Variants in MYH16 observed in about 807,000 individuals in gnomAD.
The protein encoded by MYH16 is myosin heavy chain 16.
intron 15 of MYH16, among the ~76,000 whole-genome samples, chr7:99,264,940 G>A (rs761307078): frequency 2.0e-5 from 3 of 152,206 alleles, no homozygotes; most frequent in Admixed American, 6.5e-5. Flanking sequence ...ATGATGAAAC[G>A]TTCTCTTCTG....
chr7:99,310,454 G>C (rs767259046), downstream of MYH16, among the ~76,000 whole-genome samples: 2 of 152,186 alleles, frequency 1.3e-5, no homozygotes, highest in Non-Finnish European at 2.9e-5. Context: ...CAGGCTCTCA[G>C]GGAGAGCTCT....
rs554991709 is a variant in MYH16 at position 99,277,235 on chromosome 7, T to A, written n.2486-304T>A. Among the ~76,000 whole-genome samples, 123 of 152,244 alleles carry A rather than the reference T, an allele frequency of 8.1e-4. 1 individual carries two copies. The highest frequency in any genetic ancestry group is 2.6e-3 in the African/African-American group (109 of 41,530). On this transcript the variant is annotated intron_variant and non_coding_transcript_variant, in intron 20 of 41. Coordinates refer to ENST00000439784, the Ensembl canonical transcript of MYH16. ...GTCTACACAACATGCAGAACAGATG[T>A]AAGCCTTGGGTCACCCAGATGCCGA...
intron 33 of MYH16, among the ~76,000 whole-genome samples, chr7:99,296,089 A>T (rs1466267616): frequency 6.7e-6 from 1 of 148,518 alleles, no homozygotes; most frequent in African/African-American, 2.5e-5. Flanking sequence ...GGTTGCAGTG[A>T]GCCATGATCA....
At chr7:99,259,946 G>A (rs1231743958) in intron 11 of MYH16, among the ~76,000 whole-genome samples, 1 of 151,896 alleles carries the variant, frequency 6.6e-6, no homozygotes, top group African/African-American at 2.4e-5. Flanking sequence ...CCCGAGGCAT[G>A]TGTTAAACCA....
intron 4 of MYH16, among the ~76,000 whole-genome samples, chr7:99,249,513 T>C (rs1791782017): frequency 7.7e-6 from 1 of 129,484 alleles, no homozygotes; most frequent in Non-Finnish European, 1.6e-5. Flanking sequence ...CACTCCAGCC[T>C]GGACGACAGA....
At chr7:99,290,566 G>A (rs1303171503) in intron 30 of MYH16, among the ~76,000 whole-genome samples, 4 of 150,590 alleles carry the variant, frequency 2.7e-5, no homozygotes, top group East Asian at 2.0e-4. Context: ...TTGGGAGGCC[G>A]AGGTGGGCAG....
At chr7:99,282,262 G>A (rs1279929872) in intron 23 of MYH16, among the ~76,000 whole-genome samples, 1 of 152,134 alleles carries the variant, frequency 6.6e-6, no homozygotes, top group Non-Finnish European at 1.5e-5. Flanking sequence ...CTGACCTCAA[G>A]TGATCCTCCC....
chr7:99,304,966 G>A (rs894986308), intron 40 of MYH16, among the ~76,000 whole-genome samples: 9 of 152,222 alleles, frequency 5.9e-5, no homozygotes, highest in South Asian at 2.1e-4. Context: ...CGGGAGGATC[G>A]CTTGAGGCCA....
chr7:99,242,381 C>A (rs890821481), intron 1 of MYH16, among the ~76,000 whole-genome samples: 2 of 151,918 alleles, frequency 1.3e-5, no homozygotes, highest in Non-Finnish European at 2.9e-5. Context: ...GTGGCTCACA[C>A]CTGTAACACT....
intron 11 of MYH16, among the ~76,000 whole-genome samples, chr7:99,258,919 A>G (rs1339753470): frequency 6.6e-6 from 1 of 152,194 alleles, no homozygotes; most frequent in Non-Finnish European, 1.5e-5. Context: ...TTGACTGACA[A>G]TTCTGCATGG....
intron 32 of MYH16, among the ~76,000 whole-genome samples, chr7:99,293,590 CAG>C (rs1426426350): frequency 2.0e-5 from 3 of 152,304 alleles, no homozygotes; most frequent in South Asian, 2.1e-4. Context: ...GTCCCCTTCT[CAG>C]AGAGTCTCTC....
At chr7:99,283,058 T>C (rs1245665553) in intron 23 of MYH16, among the ~76,000 whole-genome samples, 1 of 152,120 alleles carries the variant, frequency 6.6e-6, no homozygotes, top group South Asian at 2.1e-4. Flanking sequence ...CAGAGGAACC[T>C]CCAATCACTG....
chr7:99,301,841 C>T (rs67934834), intron 38 of MYH16, 37 bp downstream of exon 19: 13,294 of 152,690 alleles, frequency 0.087, 839 homozygotes, highest in African/African-American at 0.18. Flanking sequence ...CACTCGCACC[C>T]ACACTCCGGG....
intron 25 of MYH16, among the ~76,000 whole-genome samples, chr7:99,284,575 C>A (rs758640935): frequency 1.3e-5 from 2 of 152,126 alleles, no homozygotes; most frequent in Non-Finnish European, 2.9e-5. Flanking sequence ...GGCGACAGAG[C>A]AACACCCTGT....
intron 4 of MYH16, among the ~76,000 whole-genome samples, chr7:99,249,813 T>C (rs1035727789): frequency 2.0e-4 from 30 of 151,844 alleles, no homozygotes; most frequent in African/African-American, 7.0e-4. Context: ...CACCTTGGCC[T>C]CCCAAAGTGC....
intron 23 of MYH16, among the ~76,000 whole-genome samples, chr7:99,283,018 C>T (rs1273614605): frequency 6.6e-6 from 1 of 152,114 alleles, no homozygotes; most frequent in Non-Finnish European, 1.5e-5. Flanking sequence ...AATGGGATGT[C>T]CGGCATTGCT....
At chr7:99,248,033 T>G (rs1317189056) in intron 3 of MYH16, among the ~76,000 whole-genome samples, 1 of 152,226 alleles carries the variant, frequency 6.6e-6, no homozygotes, top group Non-Finnish European at 1.5e-5. Context: ...GTAAGTAACT[T>G]GCTCAGAGCT....
chr7:99,295,964 A>T (rs1584358065), intron 33 of MYH16, among the ~76,000 whole-genome samples: 1 of 151,954 alleles, frequency 6.6e-6, no homozygotes, highest in East Asian at 1.9e-4. Context: ...CAACATGGTG[A>T]AACCCCATCT....
rs1451089321 is a variant in MYH16 at position 99,268,034 on chromosome 7, G to A, written n.2266+1060G>A. Among the ~76,000 whole-genome samples, 6 of 152,138 alleles carry A rather than the reference G, an allele frequency of 3.9e-5. No individual in the cohort carries two copies. The East Asian group carries it at 5.8e-4, about 15-fold the overall frequency. On this transcript the variant is annotated intron_variant and non_coding_transcript_variant, in intron 18 of 41. Transcript: ENST00000439784. ...GTCACTCAGCAAACACTTATGGTGC[G>A]CCTACTGTGTGCCAGGCATGGTTCC... is the stretch of plus-strand genomic sequence containing the variant.
Sources: gnomAD v4.1 joint callset for allele counts (sites outside exome capture counted in the v4.1 genomes callset) on GRCh38, gnomAD v4.1.1 for gene constraint, MANE v1.5 for transcripts, NCBI Gene and HGNC (gene_info 2026-07-23, HGNC 2026-07-21) for gene names.